EYS: variants seen among roughly 807,000 people sequenced by gnomAD.
The protein encoded by EYS is protein eyes shut homolog.
Under a neutral mutation model 282.1 loss-of-function variants are expected in EYS, and 250 were observed. The observed-to-expected ratio is 0.89, with a 90% confidence interval of 0.80 to 0.98. The LOEUF is 0.98. Among genes scored for constraint, EYS ranks in the 50% least tolerant of loss-of-function variants. The pLI is 0.00. For synonymous variants in EYS, 1,355 were observed against 1,282.9 expected (o/e 1.06, Z -1.20); for missense variants, 4,016 against 3,709.0 (o/e 1.08, Z -2.15).
At chr6:64,763,747 T>TA (rs1227368629) in intron 22 of EYS, among the ~76,000 whole-genome samples, 1 of 151,948 alleles carries the variant, frequency 6.6e-6, no homozygotes, top group Non-Finnish European at 1.5e-5. Context: ...GCCTATAAAA[T>TA]AAAAAACAAG....
At chr6:65,574,980 G>A (rs116196147) in intron 2 of EYS, among the ~76,000 whole-genome samples, 1 of 152,014 alleles carries the variant, frequency 6.6e-6, no homozygotes, top group Admixed American at 6.6e-5. Context: ...AAAAAGAATA[G>A]AACTATTTGA....
intron 30 of EYS, among the ~76,000 whole-genome samples, chr6:64,235,337 G>A (rs1766563892): frequency 6.6e-6 from 1 of 151,148 alleles, no homozygotes; most frequent in African/African-American, 2.4e-5. Flanking sequence ...AGAATATGCG[G>A]TGTTTGGTTT....
intron 31 of EYS, among the ~76,000 whole-genome samples, chr6:64,197,555 A>C (rs775222755): frequency 6.6e-6 from 1 of 152,208 alleles, no homozygotes; most frequent in Non-Finnish European, 1.5e-5. Flanking sequence ...CTAGTTCATC[A>C]AAATGTCTAA....
intron 22 of EYS, among the ~76,000 whole-genome samples, chr6:64,805,685 T>C (rs1046155515): frequency 2.3e-4 from 35 of 151,366 alleles, no homozygotes; most frequent in African/African-American, 8.4e-4. Context: ...TTTTAATGAA[T>C]TCTAATTTAT....
intron 12 of EYS, among the ~76,000 whole-genome samples, chr6:65,101,199 C>T (rs905029408): frequency 2.0e-5 from 3 of 151,042 alleles, no homozygotes; most frequent in Middle Eastern, 3.4e-3. Flanking sequence ...ATTTGAGAAC[C>T]GTTCAAGTAA....
In EYS at chr6:63,720,866, A is replaced by G; in HGVS notation, c.9165T>C (p.Leu3055=). 6.4e-7 allele frequency: 1 copy of G among 1,551,192 alleles called. No homozygotes were observed. Among genetic ancestry groups the G allele is most frequent in the Non-Finnish European group, 8.7e-7 (1 of 1,146,622 alleles). ...GACTGTTATTTATGTAGGCCTTGAT[A>G]AGAGTCTGATTTTGAATTACAACTA... The part of the protein sequence containing the change: ...HHVVVIQNQT[L]IKAYINNSLI... The change falls in exon 43 of 43, where the codon CTT becomes CTC. Residue 3055 remains leucine (L), a synonymous_variant. Coordinates refer to ENST00000503581, the MANE Select transcript of EYS (RefSeq NM_001142800.2).
At chr6:64,409,371 G>A (rs1316603267) in intron 28 of EYS, among the ~76,000 whole-genome samples, 1 of 152,106 alleles carries the variant, frequency 6.6e-6, no homozygotes, top group East Asian at 1.9e-4. Flanking sequence ...GAAGTCACCA[G>A]GCATGCCAGA....
chr6:64,955,974 T>C lies in EYS; in HGVS notation c.2260-10060A>G, dbSNP rs577126260. ...TTCTTCTTTGTCCTCTGACAAGAAC[T>C]CAGACCTCACTAAATTAAGGAATAG... On this transcript the variant is annotated intron_variant, in intron 14 of 42. Coordinates refer to ENST00000503581, the MANE Select transcript of EYS (RefSeq NM_001142800.2). 2.0e-5 allele frequency among the ~76,000 whole-genome samples: 3 copies of C among 152,268 alleles called. No individual in the cohort carries two copies. In the East Asian group the frequency reaches 5.8e-4, roughly 29 times the overall value.
At chr6:64,629,777 A>G (rs888035847) in intron 22 of EYS, among the ~76,000 whole-genome samples, 2 of 152,124 alleles carry the variant, frequency 1.3e-5, no homozygotes, top group African/African-American at 4.8e-5. Flanking sequence ...AGCTTTTTTC[A>G]AAAATAGTAG....
intron 29 of EYS, among the ~76,000 whole-genome samples, chr6:64,329,563 A>G (rs148351642): frequency 4.5e-4 from 68 of 152,238 alleles, no homozygotes; most frequent in African/African-American, 1.6e-3. Flanking sequence ...GTGGAAGACA[A>G]TCCCCCGGGG....
chr6:65,173,365 C>A (rs1386124596), intron 12 of EYS, among the ~76,000 whole-genome samples: 2 of 151,264 alleles, frequency 1.3e-5, no homozygotes, highest in African/African-American at 4.8e-5. Context: ...TGTAAATCTA[C>A]TAACCTCTCT....
intron 1 of EYS, among the ~76,000 whole-genome samples, chr6:65,669,074 ATGT>A (rs1347395795): frequency 6.6e-6 from 1 of 151,948 alleles, no homozygotes; most frequent in Non-Finnish European, 1.5e-5. Context: ...TATGGTTATG[ATGT>A]TATCTAAAGT....
Position 64,935,111 on chromosome 6 carries a change from A to G in EYS, c.2381+10682T>C, listed in dbSNP as rs139146005. On this transcript the variant is annotated intron_variant, in intron 15 of 42. Transcript: ENST00000503581. ...GCTTTATCTTAAGAGGTTACTTATA[A>G]TCTATAGGTCAACCATTAAAAATTT... Among the ~76,000 whole-genome samples, 22 of 151,926 alleles carry G rather than the reference A, an allele frequency of 1.4e-4. No individual in the cohort carries two copies. The East Asian group carries it at 4.3e-3, about 29-fold the overall frequency.
At chr6:64,028,647 T>C (rs543788610) in intron 33 of EYS, among the ~76,000 whole-genome samples, 3 of 152,204 alleles carry the variant, frequency 2.0e-5, no homozygotes, top group Non-Finnish European at 4.4e-5. Context: ...CCAACTTACG[T>C]GGATGGTCTT....
chr6:64,153,862 C>T (rs973573425), intron 31 of EYS, among the ~76,000 whole-genome samples: 9 of 151,966 alleles, frequency 5.9e-5, no homozygotes, highest in Non-Finnish European at 1.0e-4. Flanking sequence ...ATTTTTGTAG[C>T]GTTGCCTGTA....
chr6:64,464,954 TA>T (rs1562010215), intron 26 of EYS, among the ~76,000 whole-genome samples: 1 of 151,852 alleles, frequency 6.6e-6, no homozygotes, highest in African/African-American at 2.4e-5. Flanking sequence ...CATTTAAAAA[TA>T]AAACGAAAAA....
intron 29 of EYS, among the ~76,000 whole-genome samples, chr6:64,311,029 A>T (rs1461935488): frequency 6.6e-6 from 1 of 151,940 alleles, no homozygotes; most frequent in Non-Finnish European, 1.5e-5. Context: ...TTTGATTTTT[A>T]TTTAATGTAT....
intron 35 of EYS, among the ~76,000 whole-genome samples, chr6:63,970,020 CA>C (rs1417293739): frequency 6.6e-6 from 1 of 152,128 alleles, no homozygotes; most frequent in East Asian, 1.9e-4. Flanking sequence ...TCTCCACACC[CA>C]GACCCCCGCT....
At chr6:64,610,404 A>AT (rs10536697) in intron 24 of EYS, among the ~76,000 whole-genome samples, 2,674 of 100,132 alleles carry the variant, frequency 0.027, 56 homozygotes, top group Middle Eastern at 0.046. Flanking sequence ...TGTTGTAAGA[A>AT]TTTTTTTTTT....
Sources: allele counts gnomAD v4.1 joint callset (sites outside exome capture counted in the v4.1 genomes callset), GRCh38; gene constraint gnomAD v4.1.1; transcripts MANE v1.5; gene names NCBI Gene and HGNC (gene_info 2026-07-23, HGNC 2026-07-21).